The following SEMA4F variants were observed in gnomAD, a reference collection of about 807,000 sequenced individuals.
The protein encoded by SEMA4F is ssemaphorin 4F.
In SEMA4F, 51 loss-of-function variants were observed where a neutral mutation model predicts 78.4. The observed-to-expected ratio is 0.65, with a 90% CI of 0.52 to 0.82. The LOEUF is 0.82. SEMA4F is among the 40% of genes least tolerant of loss of function. The pLI, the probability that SEMA4F is intolerant of heterozygous loss-of-function variation, is 0.00. For missense variants in SEMA4F, 938 were observed against 1,014.4 expected (o/e 0.92, Z 1.02); for synonymous variants, 418 against 408.7 (o/e 1.02, Z -0.27).
the SEMA4F span, among the ~76,000 whole-genome samples, chr2:74,690,689 G>A: frequency 3.9e-5 from 6 of 152,292 alleles, no homozygotes; most frequent in Non-Finnish European, 8.8e-5. Context: ...TAGGGATCTC[G>A]TGCCCGACTA....
intron 5 of SEMA4F, among the ~76,000 whole-genome samples, chr2:74,667,247 G>A (rs1684742816): frequency 6.6e-6 from 1 of 152,156 alleles, no homozygotes; most frequent in Non-Finnish European, 1.5e-5. Context: ...ACATAATGCT[G>A]CAGCAGGAAT....
the SEMA4F span, among the ~76,000 whole-genome samples, chr2:74,699,712 G>T: frequency 1.3e-5 from 2 of 152,134 alleles, no homozygotes; most frequent in African/African-American, 4.8e-5. Context: ...GAGAAGGAGC[G>T]GTTGGAGAGG....
chr2:74,701,897 G>C, the SEMA4F span, among the ~76,000 whole-genome samples: 1 of 152,178 alleles, frequency 6.6e-6, no homozygotes, highest in East Asian at 1.9e-4. Flanking sequence ...CCAGGAAAAA[G>C]GTAATCCCAG....
chr2:74,675,513 C>T lies in SEMA4F; in HGVS notation c.1373-12C>T, dbSNP rs1438997034. 3 of 1,611,406 alleles carry T rather than the reference C, an allele frequency of 1.9e-6. No individual in the cohort carries two copies. The highest frequency in any genetic ancestry group is 2.2e-5 in the East Asian group (1 of 44,888). ...ATTATGTAATTATTCTTGTTCCTTT[C>T]CTGTCCCCTAGAGGATGGACACCTC... On this transcript the variant is annotated splice_polypyrimidine_tract_variant and intron_variant, in intron 10 of 13. Coordinates refer to ENST00000357877, the MANE Select transcript of SEMA4F (RefSeq NM_004263.5).
At position 74,657,902 on chromosome 2, in the gene SEMA4F, AC is replaced by A; in HGVS notation, c.409del (p.Leu137SerfsTer45). 5 of 1,613,958 alleles carry A rather than the reference AC, an allele frequency of 3.1e-6. No homozygotes were observed. Among genetic ancestry groups the A allele is most frequent in the Non-Finnish European group, 4.2e-6 (5 of 1,180,006 alleles). ...VQILAIANAS[H>X]LLTCGTFAFD... The stretch of plus-strand genomic sequence containing the variant: ...ATTCTCGCCATTGCCAATGCCTCTC[AC>A]CTCCTCACTTGTGGCACCTTCGCTT... On this transcript the variant is annotated frameshift_variant, in exon 4 of 14. Coordinates refer to ENST00000357877, the MANE Select transcript of SEMA4F (RefSeq NM_004263.5). LOFTEE classifies it high-confidence loss of function.
the SEMA4F span, among the ~76,000 whole-genome samples, chr2:74,704,025 G>A: frequency 6.6e-6 from 1 of 152,242 alleles, no homozygotes; most frequent in African/African-American, 2.4e-5. Flanking sequence ...AGATTAGACT[G>A]CACAGGGGAG....
intron 5 of SEMA4F, 31 bp from the exon 6 acceptor site, chr2:74,673,426 G>A (rs372900230): frequency 9.9e-6 from 16 of 1,612,544 alleles, no homozygotes; most frequent in African/African-American, 6.7e-5. Context: ...GTGGGTCCCT[G>A]ATAGCCCATC....
chr2:74,708,893 C>A, the SEMA4F span, among the ~76,000 whole-genome samples: 2 of 152,104 alleles, frequency 1.3e-5, no homozygotes, highest in Non-Finnish European at 2.9e-5. Context: ...AGGCTGGGTG[C>A]GGTGGTTCAC....
downstream of SEMA4F, among the ~76,000 whole-genome samples, chr2:74,687,376 C>T (rs1215854574): frequency 6.6e-6 from 1 of 152,238 alleles, no homozygotes; most frequent in Non-Finnish European, 1.5e-5. Context: ...TATTTTAATT[C>T]TCAGCATAGC....
intron 3 of SEMA4F, 46 bp downstream of exon 3, chr2:74,657,670 G>A: frequency 9.4e-6 from 15 of 1,588,708 alleles, no homozygotes; most frequent in Non-Finnish European, 1.2e-5. Flanking sequence ...TTGAGACCTT[G>A]GCCCAGCCCT....
At chr2:74,654,792 C>G (rs1684033647) in intron 1 of SEMA4F, among the ~76,000 whole-genome samples, 1 of 152,236 alleles carries the variant, frequency 6.6e-6, no homozygotes, top group Non-Finnish European at 1.5e-5. Context: ...GGGCCCTATT[C>G]CCGGAGCCGC....
intron 5 of SEMA4F, among the ~76,000 whole-genome samples, chr2:74,666,989 G>A (rs895481398): frequency 6.6e-6 from 1 of 152,010 alleles, no homozygotes; most frequent in Admixed American, 6.5e-5. Context: ...TTATTATTTT[G>A]GAGTATTTTG....
intron 12 of SEMA4F, among the ~76,000 whole-genome samples, chr2:74,678,702 G>T (rs1313624087): frequency 1.3e-5 from 2 of 152,196 alleles, no homozygotes; most frequent in African/African-American, 4.8e-5. Flanking sequence ...TGACAGGACT[G>T]TGCCTGGAGC....
downstream of SEMA4F, among the ~76,000 whole-genome samples, chr2:74,685,687 T>C (rs1200843600): frequency 2.0e-5 from 3 of 152,100 alleles, no homozygotes; most frequent in Non-Finnish European, 2.9e-5. Flanking sequence ...ACGAGGGACA[T>C]GGTTAAGTTG....
chr2:74,699,893 A>C, the SEMA4F span, among the ~76,000 whole-genome samples: 2 of 152,190 alleles, frequency 1.3e-5, no homozygotes, highest in African/African-American at 4.8e-5. Context: ...GGGAGGGCAG[A>C]AGTGGAGGCA....
At chr2:74,703,236 CA>C in the SEMA4F span, among the ~76,000 whole-genome samples, 1 of 151,988 alleles carries the variant, frequency 6.6e-6, no homozygotes, top group Non-Finnish European at 1.5e-5. Context: ...GGGGAAGATA[CA>C]AAAAAATCTT....
At chr2:74,708,142 A>T in the SEMA4F span, among the ~76,000 whole-genome samples, 1 of 152,062 alleles carries the variant, frequency 6.6e-6, no homozygotes, top group Non-Finnish European at 1.5e-5. Context: ...GAAAAAAAAA[A>T]TCATAAAATC....
At chr2:74,709,409 A>C in the SEMA4F span, among the ~76,000 whole-genome samples, 2 of 152,224 alleles carry the variant, frequency 1.3e-5, no homozygotes, top group Admixed American at 6.5e-5. Flanking sequence ...TTGCCTAGCT[A>C]TATTAAAACA....
intron 5 of SEMA4F, among the ~76,000 whole-genome samples, chr2:74,665,760 C>T (rs1684659956): frequency 6.6e-6 from 1 of 152,050 alleles, no homozygotes. Context: ...TTTGATGACA[C>T]TCAGAGTCAT....
Sources: gnomAD v4.1 joint callset for allele counts (sites outside exome capture counted in the v4.1 genomes callset) on GRCh38, gnomAD v4.1.1 for gene constraint, MANE v1.5 for transcripts, NCBI Gene and HGNC (gene_info 2026-07-23, HGNC 2026-07-21) for gene names.